GRIN2B: variants seen among roughly 807,000 people sequenced by gnomAD.
The protein encoded by GRIN2B is glutamate ionotropic receptor NMDA type subunit 2B.
A neutral mutation model predicts 114.5 loss-of-function variants in GRIN2B; 5 were observed. The ratio of observed to expected loss-of-function variants is 0.04; its 90% confidence interval spans 0.02 to 0.09. GRIN2B has a LOEUF of 0.09. GRIN2B is among the 10% of genes least tolerant of loss of function. GRIN2B has a pLI of 1.00. For synonymous variants in GRIN2B, 787 were observed against 745.1 expected (o/e 1.06, Z -0.92); for missense variants, 1,108 against 1,943.5 (o/e 0.57, Z 8.08).
chr12:13,886,322 C>T (rs1006047649), intron 2 of GRIN2B, among the ~76,000 whole-genome samples: 3 of 152,214 alleles, frequency 2.0e-5, no homozygotes, highest in Non-Finnish European at 4.4e-5. Flanking sequence ...GCATCCTATA[C>T]ATCATCTGCT....
intron 2 of GRIN2B, among the ~76,000 whole-genome samples, chr12:13,955,253 T>A: frequency 6.6e-6 from 1 of 152,208 alleles, no homozygotes; most frequent in East Asian, 1.9e-4. Flanking sequence ...AGACCTAGCA[T>A]TCCTTGTTAG....
intron 10 of GRIN2B, among the ~76,000 whole-genome samples, chr12:13,604,461 A>G (rs1038980025): frequency 6.6e-6 from 1 of 152,234 alleles, no homozygotes; most frequent in African/African-American, 2.4e-5. Flanking sequence ...CATCGCTCCA[A>G]GATATTTATC....
At chr12:13,713,679 G>GTT (rs77484247) in intron 4 of GRIN2B, among the ~76,000 whole-genome samples, 3 of 151,450 alleles carry the variant, frequency 2.0e-5, no homozygotes, top group East Asian at 2.0e-4. Context: ...ATTTTTGCCT[G>GTT]TTTTTTTTCT....
At chr12:13,949,637 G>T (rs963595818) in intron 2 of GRIN2B, among the ~76,000 whole-genome samples, 5 of 152,138 alleles carry the variant, frequency 3.3e-5, no homozygotes, top group African/African-American at 1.2e-4. Flanking sequence ...GGTACCATGT[G>T]GTGGACATAG....
chr12:13,768,688 T>A (rs1863847318), intron 3 of GRIN2B, among the ~76,000 whole-genome samples: 1 of 152,250 alleles, frequency 6.6e-6, no homozygotes, highest in Admixed American at 6.5e-5. Flanking sequence ...TTGTTGGTTG[T>A]TGTGCAACAA....
intron 4 of GRIN2B, among the ~76,000 whole-genome samples, chr12:13,681,181 CA>C (rs1950128743): frequency 1.3e-5 from 2 of 152,124 alleles, no homozygotes; most frequent in South Asian, 4.1e-4. Flanking sequence ...CTTTACCCCG[CA>C]TGTCTTTACA....
chr12:13,713,204 A>G (rs150386389), intron 4 of GRIN2B, among the ~76,000 whole-genome samples: 95 of 152,042 alleles, frequency 6.2e-4, no homozygotes, highest in African/African-American at 2.2e-3. Flanking sequence ...ATTTTAAGTT[A>G]ACAACATGAC....
chr12:13,708,005 A>G (rs1950376798), intron 4 of GRIN2B, among the ~76,000 whole-genome samples: 1 of 93,292 alleles, frequency 1.1e-5, no homozygotes, highest in South Asian at 2.9e-4. Flanking sequence ...TGATACATGT[A>G]GAGTTTGTTC....
chr12:13,786,396 A>C (rs146392796), intron 3 of GRIN2B, among the ~76,000 whole-genome samples: 63 of 152,334 alleles, frequency 4.1e-4, no homozygotes, highest in African/African-American at 1.5e-3. Flanking sequence ...CCGATGCCTT[A>C]AACATGTTAA....
intron 3 of GRIN2B, among the ~76,000 whole-genome samples, chr12:13,850,453 A>G (rs1369672669): frequency 1.3e-5 from 2 of 152,070 alleles, no homozygotes; most frequent in East Asian, 3.9e-4. Context: ...CAGAGTCTAG[A>G]GTTTGGAGAG....
chr12:13,796,410 G>A (rs1864419967), intron 3 of GRIN2B, among the ~76,000 whole-genome samples: 2 of 152,148 alleles, frequency 1.3e-5, no homozygotes, highest in Admixed American at 1.3e-4. Context: ...GGGGGAAGAA[G>A]GCCAGAGGGC....
intron 2 of GRIN2B, among the ~76,000 whole-genome samples, chr12:13,931,324 C>T (rs1867026927): frequency 6.6e-6 from 1 of 152,200 alleles, no homozygotes; most frequent in Non-Finnish European, 1.5e-5. Flanking sequence ...CTTCCTCTGT[C>T]ATCTGCATTC....
Position 13,679,586 on chromosome 12 carries a change from C to T in GRIN2B, c.1011-3727G>A, listed in dbSNP as rs138447632. On this transcript the variant is annotated intron_variant, in intron 4 of 13. Transcript: ENST00000609686. ...TTATGACAATATACAAAATATTCTT[C>T]TCCAAAGTATCCTTTCATCATTCAT... Among the ~76,000 whole-genome samples the T allele has an allele frequency of 6.1e-4, 93 of 152,272 alleles. No homozygotes were observed. The East Asian group carries it at 0.015, about 24-fold the overall frequency.
At chr12:13,697,755 G>C (rs1225556519) in intron 4 of GRIN2B, among the ~76,000 whole-genome samples, 1 of 152,090 alleles carries the variant, frequency 6.6e-6, no homozygotes, top group Non-Finnish European at 1.5e-5. Context: ...CTGTACTTTT[G>C]TGTGCATTTC....
chr12:13,692,859 C>A (rs1950227507), intron 4 of GRIN2B, among the ~76,000 whole-genome samples: 1 of 144,386 alleles, frequency 6.9e-6, no homozygotes, highest in South Asian at 2.2e-4. Flanking sequence ...ACGTCCACCT[C>A]CTGGGTTCAA....
At chr12:13,647,898 G>C (rs1415542314) in intron 5 of GRIN2B, among the ~76,000 whole-genome samples, 2 of 152,070 alleles carry the variant, frequency 1.3e-5, no homozygotes, top group Admixed American at 1.3e-4. Flanking sequence ...CAATACTATT[G>C]GTTTCAGTTG....
chr12:13,860,533 C>T (rs1166422692), intron 3 of GRIN2B, among the ~76,000 whole-genome samples: 1 of 152,072 alleles, frequency 6.6e-6, no homozygotes, highest in Non-Finnish European at 1.5e-5. Flanking sequence ...CCATGTTGGC[C>T]AGAATGGTCT....
intron 4 of GRIN2B, among the ~76,000 whole-genome samples, chr12:13,676,102 C>T (rs1355483210): frequency 6.6e-6 from 1 of 152,076 alleles, no homozygotes; most frequent in Non-Finnish European, 1.5e-5. Flanking sequence ...GATGTTTGGT[C>T]ACCGCATGTT....
rs114393351 is a variant in GRIN2B, at chr12:13,611,041, G to A, written c.1780+684C>T. Among the ~76,000 whole-genome samples, 783 of 152,200 alleles carry A rather than the reference G, an allele frequency of 5.1e-3. 4 individuals are homozygous for A. The highest frequency in any genetic ancestry group is 0.016 in the African/African-American group (676 of 41,530). On this transcript the variant is annotated intron_variant, in intron 9 of 13. Coordinates refer to ENST00000609686, the MANE Select transcript of GRIN2B (RefSeq NM_000834.5). The stretch of plus-strand genomic sequence containing the variant: ...AGGAGTTATTTACAAGGATCCCATG[G>A]TCCCCTTTAGAAATCATGTGAACTT...
Sources: allele counts gnomAD v4.1 joint callset (sites outside exome capture counted in the v4.1 genomes callset), GRCh38; gene constraint gnomAD v4.1.1; transcripts MANE v1.5; gene names NCBI Gene and HGNC (gene_info 2026-07-23, HGNC 2026-07-21).